The following ITPR2 variants were observed in gnomAD, a reference collection of about 807,000 sequenced individuals.
The protein encoded by ITPR2 is inositol 1,4,5-trisphosphate receptor type 2.
A neutral mutation model predicts 317.1 loss-of-function variants in ITPR2; 207 were observed. That is an observed-to-expected ratio of 0.65 (90% CI 0.58 to 0.73). The LOEUF (loss-of-function observed/expected upper bound fraction) is 0.73. ITPR2 is among the 30% of genes least tolerant of loss of function. ITPR2 has a pLI of 0.00. For synonymous variants in ITPR2, 1,156 were observed against 1,149.1 expected (o/e 1.01, Z -0.12); for missense variants, 2,613 against 3,284.0 (o/e 0.80, Z 4.99).
chr12:26,380,016 C>G (rs1466899520), intron 55 of ITPR2, among the ~76,000 whole-genome samples: 1 of 152,208 alleles, frequency 6.6e-6, no homozygotes, highest in Non-Finnish European at 1.5e-5. Flanking sequence ...CCTAGAACAT[C>G]TCAGGTTCAG....
At chr12:26,768,974 A>C (rs1466718105) in intron 2 of ITPR2, among the ~76,000 whole-genome samples, 1 of 136,020 alleles carries the variant, frequency 7.4e-6, no homozygotes, top group East Asian at 2.3e-4. Flanking sequence ...AAGTTTGACC[A>C]CCTCCAAGTC....
rs763125218 is a variant in ITPR2, at chr12:26,640,990, TA to T, written c.2741-8932del. Among the ~76,000 whole-genome samples, 14 of 152,330 alleles carry T rather than the reference TA, an allele frequency of 9.2e-5. No individual in the cohort carries two copies. In the East Asian group the frequency reaches 1.2e-3, roughly 13 times the overall value. Reference sequence around the variant, plus strand: ...TGGGCACCAATTTAAAGAGCTGAGTTATTATTCTCTGGAGATGATGAGAGCT... The same window carrying T: ...TGGGCACCAATTTAAAGAGCTGAGTTTTATTCTCTGGAGATGATGAGAGCT... On this transcript the variant is annotated intron_variant, in intron 21 of 56. Coordinates refer to ENST00000381340, the MANE Select transcript of ITPR2 (RefSeq NM_002223.4).
At chr12:26,751,437 C>T (rs1949415027) in intron 2 of ITPR2, among the ~76,000 whole-genome samples, 1 of 152,098 alleles carries the variant, frequency 6.6e-6, no homozygotes, top group Admixed American at 6.5e-5. Context: ...ACTACTAGAA[C>T]CAGCGTTGTA....
intron 45 of ITPR2, among the ~76,000 whole-genome samples, chr12:26,449,613 A>C (rs1432884854): frequency 1.3e-5 from 2 of 152,200 alleles, no homozygotes; most frequent in Admixed American, 6.5e-5. Context: ...TAGGAAAGGA[A>C]CCATGTAAGA....
chr12:26,730,713 C>T (rs1414286605), intron 2 of ITPR2, among the ~76,000 whole-genome samples: 3 of 152,024 alleles, frequency 2.0e-5, no homozygotes, highest in Non-Finnish European at 4.4e-5. Context: ...ATTTTTTGAA[C>T]AGTTATGGAA....
At chr12:26,599,521 T>G (rs1213304941) in intron 29 of ITPR2, among the ~76,000 whole-genome samples, 176 bp from the exon 30 acceptor site, 1 of 152,194 alleles carries the variant, frequency 6.6e-6, no homozygotes, top group Non-Finnish European at 1.5e-5. Flanking sequence ...AAAAGAAAAC[T>G]GAGCTCACAG....
chr12:26,800,877 G>A, intron 1 of ITPR2: 1 of 153,926 alleles, frequency 6.5e-6, no homozygotes. Flanking sequence ...TTGGGTGGAG[G>A]CCTGGAGCTT....
intron 49 of ITPR2, among the ~76,000 whole-genome samples, chr12:26,423,706 A>AT (rs1466203062): frequency 6.6e-6 from 1 of 152,196 alleles, no homozygotes; most frequent in Non-Finnish European, 1.5e-5. Flanking sequence ...ATGTGCTTAT[A>AT]TTTGTCAGAA....
chr12:26,800,613 A>G (rs1341294446), intron 1 of ITPR2, among the ~76,000 whole-genome samples: 2 of 152,186 alleles, frequency 1.3e-5, no homozygotes, highest in African/African-American at 4.8e-5. Flanking sequence ...AAATATGGCC[A>G]GATAGATTTA....
chr12:26,425,338 G>C (rs890948300), intron 49 of ITPR2, among the ~76,000 whole-genome samples: 1 of 152,104 alleles, frequency 6.6e-6, no homozygotes, highest in African/African-American at 2.4e-5. Context: ...CACTGAATGT[G>C]TTTGTCCCAA....
chr12:26,799,784 T>C (rs1273516374), intron 1 of ITPR2, among the ~76,000 whole-genome samples: 1 of 152,226 alleles, frequency 6.6e-6, no homozygotes, highest in African/African-American at 2.4e-5. Context: ...CCATTACAGT[T>C]CTCATGAAAG....
chr12:26,755,814 C>T (rs112966108), intron 2 of ITPR2, among the ~76,000 whole-genome samples: 2,173 of 152,254 alleles, frequency 0.014, 55 homozygotes, highest in African/African-American at 0.05. Context: ...GAGGAACTAG[C>T]CTTAGACCTT....
chr12:26,483,645 C>T, intron 42 of ITPR2, 53 bp downstream of exon 42: 1 of 1,320,412 alleles, frequency 7.6e-7, no homozygotes, highest in East Asian at 2.3e-5. Flanking sequence ...CAAAGATTGG[C>T]TCCTTCCCCA....
At chr12:26,581,140 A>G (rs181438948) in intron 32 of ITPR2, among the ~76,000 whole-genome samples, 151 of 152,306 alleles carry the variant, frequency 9.9e-4, no homozygotes, top group African/African-American at 3.5e-3. Flanking sequence ...AAAATTTTCA[A>G]TAAGGTGCTT....
At chr12:26,628,814 C>A (rs1206472710) in intron 22 of ITPR2, among the ~76,000 whole-genome samples, 2 of 152,060 alleles carry the variant, frequency 1.3e-5, no homozygotes, top group Middle Eastern at 3.4e-3. Context: ...AGCCAATAGT[C>A]GAGTTGGGAA....
intron 54 of ITPR2, among the ~76,000 whole-genome samples, chr12:26,395,086 G>A (rs1328385541): frequency 6.6e-6 from 1 of 152,122 alleles, no homozygotes; most frequent in African/African-American, 2.4e-5. Context: ...GAAAACAGAG[G>A]GGAAAGCCTG....
chr12:26,558,706 G>T (rs1413179259), intron 35 of ITPR2, among the ~76,000 whole-genome samples: 1 of 152,082 alleles, frequency 6.6e-6, no homozygotes, highest in Non-Finnish European at 1.5e-5. Context: ...TTTCTTCCGA[G>T]AAATCTCATC....
At chr12:26,356,028 G>A (rs1795895423) in intron 55 of ITPR2, among the ~76,000 whole-genome samples, 1 of 152,220 alleles carries the variant, frequency 6.6e-6, no homozygotes, top group South Asian at 2.1e-4. Flanking sequence ...TTAAAAATCT[G>A]AATTGAGTAC....
At chr12:26,432,898 C>A (rs1012130714) in intron 48 of ITPR2, among the ~76,000 whole-genome samples, 3 of 152,142 alleles carry the variant, frequency 2.0e-5, no homozygotes, top group African/African-American at 7.2e-5. Flanking sequence ...TTTAATCTCA[C>A]CCACCTCTAA....
Sources: allele counts gnomAD v4.1 joint callset (sites outside exome capture counted in the v4.1 genomes callset), GRCh38; gene constraint gnomAD v4.1.1; transcripts MANE v1.5; gene names NCBI Gene and HGNC (gene_info 2026-07-23, HGNC 2026-07-21).